The following DIP2C variants were observed in gnomAD, a reference collection of about 807,000 sequenced individuals.
The protein encoded by DIP2C is DIP2 acetate--CoA ligase C (putative).
A neutral mutation model predicts 192.4 loss-of-function variants in DIP2C; 33 were observed. The observed-to-expected ratio is 0.17, with a 90% CI of 0.13 to 0.23. The LOEUF (loss-of-function observed/expected upper bound fraction) is 0.23, where lower values mean the gene tolerates loss of function less well. Ranked by LOEUF, DIP2C falls within the 10% of genes least tolerant of loss-of-function variation. DIP2C has a pLI of 1.00. For synonymous variants in DIP2C, 979 were observed against 864.1 expected, an observed-to-expected ratio of 1.13 and a Z score of -2.33; for missense variants, 1,537 against 2,110.1, an observed-to-expected ratio of 0.73 and a Z score of 5.32.
intron 13 of DIP2C, among the ~76,000 whole-genome samples, chr10:388,177 GCA>G (rs1963141957): frequency 6.6e-6 from 1 of 152,128 alleles, no homozygotes; most frequent in South Asian, 2.1e-4. Flanking sequence ...TGCCCTCTGC[GCA>G]CAGAGGAGGA....
intron 3 of DIP2C, among the ~76,000 whole-genome samples, chr10:468,959 G>A (rs1427630553): frequency 2.0e-5 from 3 of 152,224 alleles, no homozygotes; most frequent in Admixed American, 6.5e-5. Flanking sequence ...CAGTAAGCTT[G>A]ATTCCCTAAA....
At chr10:506,530 C>CAA (rs1362061536) in intron 1 of DIP2C, among the ~76,000 whole-genome samples, 1 of 152,140 alleles carries the variant, frequency 6.6e-6, no homozygotes, top group Non-Finnish European at 1.5e-5. Context: ...CAGTTCATCT[C>CAA]AAATGTGATG....
At chr10:566,760 C>T (rs1412151544) in intron 1 of DIP2C, among the ~76,000 whole-genome samples, 1 of 152,232 alleles carries the variant, frequency 6.6e-6, no homozygotes, top group African/African-American at 2.4e-5. Flanking sequence ...CACGACTGCT[C>T]AAAGTCAGGC....
intron 1 of DIP2C, among the ~76,000 whole-genome samples, chr10:657,823 T>A: frequency 4.1e-5 from 2 of 49,334 alleles, no homozygotes; most frequent in African/African-American, 8.4e-5. Flanking sequence ...GCCGCTGGAC[T>A]TGACCCTGGA....
intron 1 of DIP2C, among the ~76,000 whole-genome samples, chr10:490,606 C>T (rs183732538): frequency 1.4e-4 from 22 of 152,342 alleles, no homozygotes; most frequent in African/African-American, 3.1e-4. Context: ...GCGCTTTCCA[C>T]GTAAAATTCC....
At position 440,863 on chromosome 10, in the gene DIP2C, T is replaced by C. The variant is rs1564715469; in HGVS notation, c.394+8A>G. On this transcript the variant is annotated splice_region_variant and intron_variant, in intron 4 of 36. Transcript: ENST00000280886. ...TCAGGAGGCCGTGTCGGGGAGCGTGTCCCTTACCTGGAGGGGTGTAGGCGT... is the reference window on the plus strand; with the variant it reads ...TCAGGAGGCCGTGTCGGGGAGCGTGCCCCTTACCTGGAGGGGTGTAGGCGT... 1.2e-6 allele frequency: 2 copies of C among 1,610,788 alleles called. No individual in the cohort carries two copies. Among genetic ancestry groups the C allele is most frequent in the Non-Finnish European group, 1.7e-6 (2 of 1,179,204 alleles).
intron 32 of DIP2C, among the ~76,000 whole-genome samples, chr10:298,507 G>A (rs1213924222): frequency 6.6e-6 from 1 of 152,248 alleles, no homozygotes; most frequent in Non-Finnish European, 1.5e-5. Flanking sequence ...CCAGAGAGGA[G>A]AGGGTGTGTG....
intron 4 of DIP2C, among the ~76,000 whole-genome samples, chr10:427,918 G>T (rs969856158): frequency 6.6e-6 from 1 of 152,114 alleles, no homozygotes; most frequent in Non-Finnish European, 1.5e-5. Context: ...ATCCTCCCAA[G>T]ATAAAGGAAA....
chr10:410,443 C>G (rs1268681306), intron 8 of DIP2C, among the ~76,000 whole-genome samples: 1 of 152,172 alleles, frequency 6.6e-6, no homozygotes, highest in Non-Finnish European at 1.5e-5. Context: ...TCAAGACGGG[C>G]AGCTTTACAG....
chr10:491,787 C>A lies in DIP2C; in HGVS notation c.86-5257G>T, dbSNP rs552965516. Reference sequence around the variant, plus strand: ...ACAAGCATTCATTCAGTATCTATTTCACATTCAATTCATGAGAGACGTCCA... The same window carrying A: ...ACAAGCATTCATTCAGTATCTATTTAACATTCAATTCATGAGAGACGTCCA... On this transcript the variant is annotated intron_variant, in intron 1 of 36. Transcript: ENST00000280886. 3.4e-3 allele frequency among the ~76,000 whole-genome samples: 517 copies of A among 152,358 alleles called. 1 individual carries two copies. Among genetic ancestry groups the A allele is most frequent in the Non-Finnish European group, 6.2e-3 (419 of 68,032 alleles).
chr10:529,620 A>G (rs1269472730), intron 1 of DIP2C, among the ~76,000 whole-genome samples: 1 of 152,158 alleles, frequency 6.6e-6, no homozygotes, highest in Non-Finnish European at 1.5e-5. Flanking sequence ...TCCACAAACG[A>G]TCAGGGTGGG....
chr10:662,053 C>G (rs1273621012), intron 1 of DIP2C: 6 of 716,906 alleles, frequency 8.4e-6, no homozygotes, highest in Non-Finnish European at 1.0e-5. Context: ...CGTGGCTCCA[C>G]AGCATACCGC....
intron 17 of DIP2C, chr10:369,929 C>T: frequency 7.8e-7 from 1 of 1,282,122 alleles, no homozygotes; most frequent in Non-Finnish European, 1.0e-6. Context: ...CAGACCAGCT[C>T]TCTCTCCCCT....
intron 2 of DIP2C, among the ~76,000 whole-genome samples, chr10:474,212 C>CA (rs1970875365): frequency 6.6e-6 from 1 of 152,272 alleles, no homozygotes; most frequent in Admixed American, 6.5e-5. Flanking sequence ...ATGGACTTAC[C>CA]ACATGACTTC....
intron 1 of DIP2C, among the ~76,000 whole-genome samples, chr10:617,755 G>A (rs940895207): frequency 2.0e-5 from 3 of 148,358 alleles, no homozygotes; most frequent in African/African-American, 5.0e-5. Context: ...CTTGTTGCAC[G>A]TAATGACCTG....
chr10:461,043 G>A (rs1177654364), intron 3 of DIP2C, among the ~76,000 whole-genome samples: 1 of 152,170 alleles, frequency 6.6e-6, no homozygotes, highest in Admixed American at 6.5e-5. Flanking sequence ...AAGAGCTCCT[G>A]AAGGAAGCAC....
Position 286,316 on chromosome 10 carries a change from T to G in DIP2C, c.4076A>C (p.Asn1359Thr). ...CCCCAGCGGTCCTTTTGTTTCTGGG[T>G]TGGCAATTATAATCCGAACCCCTGG... is the stretch of plus-strand genomic sequence containing the variant. ...ILPGVRIIIA[N>T]PETKGPLGDS... The change falls in exon 34 of 37, where the codon AAC becomes ACC. Residue 1359 changes from asparagine (N) to threonine (T), a missense_variant. Asn to Thr is a moderately conservative substitution (Grantham distance 65). This residue lies in a region of DIP2C where 341 missense variants were observed against 551.7 expected (regional missense o/e 0.62). Coordinates refer to ENST00000280886, the MANE Select transcript of DIP2C (RefSeq NM_014974.3). The G allele has an allele frequency of 6.2e-7, 1 of 1,614,046 alleles. No homozygotes were observed. Among genetic ancestry groups the G allele is most frequent in the Non-Finnish European group, 8.5e-7 (1 of 1,179,988 alleles).
intron 3 of DIP2C, among the ~76,000 whole-genome samples, chr10:453,444 C>T (rs937958650): frequency 2.5e-4 from 38 of 152,192 alleles, no homozygotes; most frequent in African/African-American, 8.4e-4. Context: ...CAGCAAATGC[C>T]TGAAATACAA....
intron 1 of DIP2C, among the ~76,000 whole-genome samples, chr10:601,466 TGTG>T (rs1292294469): frequency 6.6e-6 from 1 of 152,216 alleles, no homozygotes; most frequent in Non-Finnish European, 1.5e-5. Flanking sequence ...TCCAGATGGA[TGTG>T]GTGGGTTGGC....
Sources: allele counts gnomAD v4.1 joint callset (sites outside exome capture counted in the v4.1 genomes callset), GRCh38; gene constraint gnomAD v4.1.1; regional missense constraint gnomAD v4.1.1; transcripts MANE v1.5; gene names NCBI Gene and HGNC (gene_info 2026-07-23, HGNC 2026-07-21).